SERPINB7: variants seen among roughly 807,000 people sequenced by gnomAD.
The protein encoded by SERPINB7 is serpin family B member 7, also known as serpin B7.
In SERPINB7, 31 loss-of-function variants were observed where a neutral mutation model predicts 37.4. That is an observed-to-expected ratio of 0.83 (90% CI 0.62 to 1.12). The LOEUF (loss-of-function observed/expected upper bound fraction) is 1.12. Ranked by LOEUF, SERPINB7 falls within the 50% of genes most tolerant of loss-of-function variation. SERPINB7 has a pLI of 0.00. For missense variants in SERPINB7, 521 were observed against 455.3 expected (o/e 1.14, Z -1.31); for synonymous variants, 163 against 166.1 (o/e 0.98, Z 0.14).
rs747795700 is a variant in SERPINB7, at chr18:63,775,603, C to A, written c.-132C>A. On this transcript the variant is annotated 5_prime_UTR_variant, in exon 1 of 8. Coordinates refer to ENST00000398019, the MANE Select transcript of SERPINB7 (RefSeq NM_003784.4). ...TTCCTAAGTGCATGGGGGAAAATAC[C>A]TAGGGCTCAACAGTCTTGAGAAGTG... is the stretch of plus-strand genomic sequence containing the variant. 1.3e-5 allele frequency: 2 copies of A among 152,104 alleles called. No individual in the cohort carries two copies. The highest frequency in any genetic ancestry group is 2.4e-5 in the African/African-American group (1 of 41,414). The allele number at this position is 152,104 out of a possible 1,614,324, so 9.4% of individuals were successfully genotyped here. A position where few individuals can be genotyped will look rare whatever the true frequency, so the allele number is the denominator to read the frequency against.
At chr18:63,761,089 A>G (rs1404508259) in intron 1 of SERPINB7, among the ~76,000 whole-genome samples, 2 of 152,354 alleles carry the variant, frequency 1.3e-5, no homozygotes, top group East Asian at 3.9e-4. Flanking sequence ...ACTCAACACC[A>G]GGCCATGAAA....
Position 63,801,013 on chromosome 18 carries a change from G to A in SERPINB7, c.744+1G>A. On this transcript the variant is annotated splice_donor_variant, in intron 7 of 7. Transcript: ENST00000398019. LOFTEE classifies it high-confidence loss of function. ...GCTGCCTGAGAATGACCTCTCTGAA[G>A]TAAGTTACGACTGTCATTTTCACTA... The A allele has an allele frequency of 6.2e-7, 1 of 1,612,796 alleles. No individual in the cohort carries two copies. Among genetic ancestry groups the A allele is most frequent in the Non-Finnish European group, 8.5e-7 (1 of 1,179,464 alleles).
At chr18:63,772,243 A>G (rs1007406273), upstream of SERPINB7, among the ~76,000 whole-genome samples, 3 of 152,148 alleles carry the variant, frequency 2.0e-5, no homozygotes, top group Admixed American at 1.3e-4. Flanking sequence ...CTATCTATCT[A>G]TTAATAAAGG....
At chr18:63,789,957 G>C (rs2049410104) in intron 2 of SERPINB7, among the ~76,000 whole-genome samples, 1 of 152,132 alleles carries the variant, frequency 6.6e-6, no homozygotes, top group South Asian at 2.1e-4. Flanking sequence ...AATTGTTCAA[G>C]GGTCTCTGTC....
chr18:63,782,015 A>T (rs911855429), intron 1 of SERPINB7, among the ~76,000 whole-genome samples: 23 of 152,206 alleles, frequency 1.5e-4, no homozygotes, highest in Admixed American at 1.1e-3. Flanking sequence ...AGACTGTCTA[A>T]TATTGTAATA....
At chr18:63,773,687 CA>C (rs1038698678), upstream of SERPINB7, among the ~76,000 whole-genome samples, 1 of 152,038 alleles carries the variant, frequency 6.6e-6, no homozygotes, top group African/African-American at 2.4e-5. Flanking sequence ...CTGGCAAGGC[CA>C]ATGGAAATTT....
At chr18:63,770,873 GCACACACA>G (rs10634962), upstream of SERPINB7, among the ~76,000 whole-genome samples, 1 of 148,834 alleles carries the variant, frequency 6.7e-6, no homozygotes, top group African/African-American at 2.5e-5. Flanking sequence ...GTCTGCACAT[GCACACACA>G]CACACACACA....
chr18:63,767,787 C>T (rs1320874377), intron 1 of SERPINB7, among the ~76,000 whole-genome samples: 1 of 151,984 alleles, frequency 6.6e-6, no homozygotes. Context: ...TCTAAGAAGA[C>T]CATCTGGGAC....
At chr18:63,766,260 G>A (rs950313175) in intron 1 of SERPINB7, among the ~76,000 whole-genome samples, 7 of 151,998 alleles carry the variant, frequency 4.6e-5, no homozygotes, top group South Asian at 2.1e-4. Context: ...GGCTTCTCCC[G>A]TTTCCCATTA....
In SERPINB7 at chr18:63,804,353, G is replaced by A. The variant is rs1482244313; in HGVS notation, c.861G>A (p.Met287Ile). The A allele has an allele frequency of 1.9e-6, 3 of 1,613,750 alleles. No homozygotes were observed. Among genetic ancestry groups the A allele is most frequent in the Non-Finnish European group, 2.5e-6 (3 of 1,179,840 alleles). ...TCAAGATAGAGAAGAATTATGAAAT[G>A]AAACAATATTTGAGAGCCCTAGGGC... ...PQFKIEKNYE[M>I]KQYLRALGLK... Residue 287 changes from methionine to isoleucine, a missense_variant, in exon 8 of 8, where the codon ATG (methionine) becomes ATA (isoleucine). Physicochemically the swap from Met to Ile is conservative, Grantham distance 10. Transcript: ENST00000398019.
At chr18:63,794,563 G>C (rs1184364397) in intron 4 of SERPINB7, among the ~76,000 whole-genome samples, 1 of 152,088 alleles carries the variant, frequency 6.6e-6, no homozygotes, top group African/African-American at 2.4e-5. Flanking sequence ...GGTGGCAGGC[G>C]CCTGTAGTCC....
intron 7 of SERPINB7, among the ~76,000 whole-genome samples, chr18:63,803,193 A>T (rs965211259): frequency 6.6e-6 from 1 of 152,142 alleles, no homozygotes; most frequent in African/African-American, 2.4e-5. Flanking sequence ...TACCTGCATA[A>T]TCTTTCATAA....
intron 1 of SERPINB7, among the ~76,000 whole-genome samples, chr18:63,755,534 A>C (rs1363515740): frequency 6.6e-6 from 1 of 152,184 alleles, no homozygotes; most frequent in Non-Finnish European, 1.5e-5. Flanking sequence ...AAAAAGTATC[A>C]TTTTAAAAGG....
At chr18:63,776,584 A>G (rs1164700683) in intron 1 of SERPINB7, among the ~76,000 whole-genome samples, 1 of 150,580 alleles carries the variant, frequency 6.6e-6, no homozygotes, top group Non-Finnish European at 1.5e-5. Context: ...GTGCCTTAAG[A>G]TAGTGCGAAT....
At chr18:63,803,259 A>T (rs1002763176) in intron 7 of SERPINB7, among the ~76,000 whole-genome samples, 3 of 152,138 alleles carry the variant, frequency 2.0e-5, no homozygotes, top group Non-Finnish European at 4.4e-5. Flanking sequence ...AAAAAATTCC[A>T]ACAGGGTAAA....
intron 1 of SERPINB7, among the ~76,000 whole-genome samples, chr18:63,767,948 T>C (rs1170097956): frequency 6.6e-6 from 1 of 152,102 alleles, no homozygotes; most frequent in Non-Finnish European, 1.5e-5. Context: ...TAAATTTATG[T>C]GCTTAAAGTT....
chr18:63,804,628 G>T lies in SERPINB7; in HGVS notation c.1136G>T (p.Cys379Phe). The part of the protein sequence containing the change: ...DIILFSGKVS[C>F]P ...ATCTTATTCAGTGGCAAAGTTTCTT[G>T]CCCTTGAAAATCCAATTGGTTTCTG... Residue 379 changes from cysteine (C) to phenylalanine (F), a missense_variant, in exon 8 of 8, where the codon TGC (cysteine) becomes TTC (phenylalanine). Physicochemically the swap from Cys to Phe is radical, Grantham distance 205. Coordinates refer to ENST00000398019, the MANE Select transcript of SERPINB7 (RefSeq NM_003784.4). 4 of 1,604,536 alleles carry T rather than the reference G, an allele frequency of 2.5e-6. No homozygotes were observed. The highest frequency in any genetic ancestry group is 3.4e-6 in the Non-Finnish European group (4 of 1,174,962).
At chr18:63,765,456 T>C (rs959760981) in intron 1 of SERPINB7, among the ~76,000 whole-genome samples, 9 of 152,188 alleles carry the variant, frequency 5.9e-5, no homozygotes, top group Admixed American at 5.2e-4. Flanking sequence ...CTCTGATTTG[T>C]TTTCTAGAGC....
chr18:63,753,817 A>G (rs1196918674), intron 1 of SERPINB7, among the ~76,000 whole-genome samples: 2 of 152,242 alleles, frequency 1.3e-5, no homozygotes, highest in African/African-American at 4.8e-5. Context: ...ACTTTTGAGT[A>G]CTTGATAGAA....
Sources: allele counts gnomAD v4.1 joint callset (sites outside exome capture counted in the v4.1 genomes callset), GRCh38; gene constraint gnomAD v4.1.1; transcripts MANE v1.5; gene names NCBI Gene and HGNC (gene_info 2026-07-23, HGNC 2026-07-21).